Variants in ANO5 observed in about 807,000 individuals in gnomAD.
The protein encoded by ANO5 is anoctamin 5, also known as anoctamin-5.
In ANO5, 109 loss-of-function variants were observed where a neutral mutation model predicts 121.0. The observed-to-expected ratio is 0.90, with a 90% confidence interval of 0.77 to 1.06. The LOEUF (loss-of-function observed/expected upper bound fraction) is 1.06. Ranked by LOEUF, ANO5 falls within the 50% of genes least tolerant of loss-of-function variation. The probability of loss-of-function intolerance (pLI) is 0.00; values close to 1 mark genes in which losing one functional copy is unlikely to be tolerated. For synonymous variants in ANO5, 406 were observed against 359.9 expected (o/e 1.13, Z -1.45); for missense variants, 1,064 against 1,078.5 (o/e 0.99, Z 0.19).
Position 22,255,114 on chromosome 11 carries a change from A to G in ANO5, c.1181-257A>G, listed in dbSNP as rs78051274. On this transcript the variant is annotated intron_variant, in intron 12 of 21. Coordinates refer to ENST00000324559, the MANE Select transcript of ANO5 (RefSeq NM_213599.3). ...AATTGTCTGAATGAAGAAATATATT[A>G]ATATGTCTGAAAAAAATTCTTGCTT... is the stretch of plus-strand genomic sequence containing the variant. Among the ~76,000 whole-genome samples, 10 of 152,294 alleles carry G rather than the reference A, an allele frequency of 6.6e-5. No individual in the cohort carries two copies. The East Asian group carries it at 1.5e-3, about 23-fold the overall frequency.
chr11:22,263,917 T>C (rs1297667465), intron 17 of ANO5, among the ~76,000 whole-genome samples: 2 of 151,768 alleles, frequency 1.3e-5, no homozygotes. Flanking sequence ...TTTCAAGTAC[T>C]AACAAAAGAA....
intron 4 of ANO5, among the ~76,000 whole-genome samples, chr11:22,220,863 T>G (rs564904358): frequency 6.6e-6 from 1 of 152,084 alleles, no homozygotes; most frequent in South Asian, 2.1e-4. Flanking sequence ...TATTTTGGTA[T>G]GTTTGCAGCA....
intron 3 of ANO5, among the ~76,000 whole-genome samples, chr11:22,217,443 A>G (rs553679634): frequency 3.3e-5 from 5 of 152,060 alleles, no homozygotes; most frequent in Non-Finnish European, 7.4e-5. Flanking sequence ...AAATTAAAAA[A>G]AAAACCTGGG....
chr11:22,267,524 A>ATATATATATATATATATATATATATAT (rs141657651), intron 17 of ANO5, among the ~76,000 whole-genome samples: 1 of 144,648 alleles, frequency 6.9e-6, no homozygotes, highest in African/African-American at 2.8e-5. Context: ...ATATATATAT[A>ATATATATATATATATATATATATATAT]AAATCTATCT....
At chr11:22,268,554 C>T (rs1039514095) in intron 17 of ANO5, among the ~76,000 whole-genome samples, 1 of 152,144 alleles carries the variant, frequency 6.6e-6, no homozygotes, top group Non-Finnish European at 1.5e-5. Flanking sequence ...TCTATTCAGA[C>T]AATCACATCA....
At chr11:22,278,299 T>C (rs1854941416) in intron 21 of ANO5, among the ~76,000 whole-genome samples, 1 of 151,726 alleles carries the variant, frequency 6.6e-6, no homozygotes, top group South Asian at 2.1e-4. Context: ...AAAACGTACT[T>C]ACCCTTCAAG....
Position 22,282,225 on chromosome 11 carries a change from T to C in ANO5, c.*2460T>C, listed in dbSNP as rs1855108975. On this transcript the variant is annotated 3_prime_UTR_variant, in exon 22 of 22. Transcript: ENST00000324559. ...GTTCTAGGGAACATTTGAGATTTTATGTGAAATAAAATTTTAAGTGCCAAA... is the reference window on the plus strand; with the variant it reads ...GTTCTAGGGAACATTTGAGATTTTACGTGAAATAAAATTTTAAGTGCCAAA... The C allele has an allele frequency of 6.6e-6, 1 of 152,170 alleles. No homozygotes were observed. The highest frequency in any genetic ancestry group is 2.4e-5 in the African/African-American group (1 of 41,454). The allele number at this position is 152,170 out of a possible 1,614,324, so 9.4% of individuals were successfully genotyped here. A position where few individuals can be genotyped will look rare whatever the true frequency, so the allele number is the denominator to read the frequency against.
intron 21 of ANO5, 88 bp from the exon 22 acceptor site, chr11:22,279,456 T>TTAAA (rs777445231): frequency 8.7e-7 from 1 of 1,154,730 alleles, no homozygotes. Context: ...GAGCAGTTTC[T>TTAAA]TAAATAAGTG....
chr11:22,210,632 G>T (rs1423930257), intron 2 of ANO5, among the ~76,000 whole-genome samples: 1 of 151,880 alleles, frequency 6.6e-6, no homozygotes, highest in African/African-American at 2.4e-5. Flanking sequence ...GTGGTGTGTG[G>T]ACCATCGTGT....
At chr11:22,192,941 G>C, upstream of ANO5, 1 of 979,046 alleles carries the variant, frequency 1.0e-6, no homozygotes, top group Admixed American at 6.1e-5. Flanking sequence ...GGGGGCCAGC[G>C]TGGAGCCAGC....
chr11:22,216,120 C>A (rs932756861), intron 3 of ANO5, among the ~76,000 whole-genome samples: 1 of 151,778 alleles, frequency 6.6e-6, no homozygotes. Context: ...AGTTTCAAGA[C>A]CATTATGAAT....
intron 7 of ANO5, among the ~76,000 whole-genome samples, chr11:22,231,691 AGTTTTCT>A (rs201223507): frequency 0.025 from 3,827 of 152,100 alleles, 60 homozygotes; most frequent in Non-Finnish European, 0.039. Flanking sequence ...CATAAATGTA[AGTTTTCT>A]GCTAAAAGAG....
chr11:22,246,666 G>C (rs7128494), intron 9 of ANO5, among the ~76,000 whole-genome samples: 1 of 151,300 alleles, frequency 6.6e-6, no homozygotes, highest in Non-Finnish European at 1.5e-5. Context: ...GTGAAACCCC[G>C]TTTCTACCTA....
chr11:22,242,120 C>T (rs1164683142), intron 9 of ANO5, among the ~76,000 whole-genome samples: 1 of 152,056 alleles, frequency 6.6e-6, no homozygotes, highest in African/African-American at 2.4e-5. Flanking sequence ...AGTCAGTTAT[C>T]CCAGCACCAT....
intron 9 of ANO5, among the ~76,000 whole-genome samples, 155 bp downstream of exon 9, chr11:22,239,839 G>A (rs1019224813): frequency 6.6e-6 from 1 of 151,986 alleles, no homozygotes; most frequent in African/African-American, 2.4e-5. Flanking sequence ...TCATTTAGGA[G>A]AATGTTGTTG....
chr11:22,225,953 G>A, intron 5 of ANO5, 31 bp from the exon 6 acceptor site: 1 of 1,515,504 alleles, frequency 6.6e-7, no homozygotes, highest in Non-Finnish European at 9.2e-7. Context: ...AAAGCATTCT[G>A]CATAATTCTG....
intron 1 of ANO5, among the ~76,000 whole-genome samples, chr11:22,194,047 T>A (rs985752843): frequency 1.3e-5 from 2 of 152,204 alleles, no homozygotes; most frequent in Non-Finnish European, 2.9e-5. Context: ...GAGTAGCAGA[T>A]CCTAAAATCT....
chr11:22,193,271 C>T lies in ANO5; in HGVS notation c.-222C>T. 1.7e-6 allele frequency: 2 copies of T among 1,160,084 alleles called. No individual in the cohort carries two copies. Among genetic ancestry groups the T allele is most frequent in the South Asian group, 5.2e-5 (2 of 38,764 alleles). 71.9% of individuals were successfully genotyped at this position (1,160,084 alleles called of 1,614,324 possible). ...GGACCGGGTCGAGTGGAAGTACCCG[C>T]CGGAGAGGAAGGCCGGCTGGCTGTG... is the stretch of plus-strand genomic sequence containing the variant. On this transcript the variant is annotated 5_prime_UTR_variant, in exon 1 of 22. Coordinates refer to ENST00000324559, the MANE Select transcript of ANO5 (RefSeq NM_213599.3).
At chr11:22,255,962 T>TA (rs1319317983) in intron 13 of ANO5, among the ~76,000 whole-genome samples, 5 of 152,318 alleles carry the variant, frequency 3.3e-5, no homozygotes, top group African/African-American at 1.2e-4. Flanking sequence ...TGCTAAGTGA[T>TA]ATATAAAAAT....
Sources: allele counts gnomAD v4.1 joint callset (sites outside exome capture counted in the v4.1 genomes callset), GRCh38; gene constraint gnomAD v4.1.1; transcripts MANE v1.5; gene names NCBI Gene and HGNC (gene_info 2026-07-23, HGNC 2026-07-21).